TMEM17: variants seen among roughly 807,000 people sequenced by gnomAD.
TMEM17 encodes the protein transmembrane protein 17.
TMEM17 carries 15 observed loss-of-function variants against 19.1 expected under a neutral mutation model. The observed-to-expected ratio is 0.78, with a 90% CI of 0.52 to 1.21. The LOEUF (loss-of-function observed/expected upper bound fraction) is 1.21. Ranked by LOEUF, TMEM17 falls within the 50% of genes most tolerant of loss-of-function variation. TMEM17 has a pLI of 0.00. For missense variants in TMEM17, 245 were observed against 242.3 expected, an observed-to-expected ratio of 1.01 and a Z score of -0.07; for synonymous variants, 103 against 86.9, an observed-to-expected ratio of 1.19 and a Z score of -1.03.
chr2:62,471,439 C>T, the TMEM17 span, among the ~76,000 whole-genome samples: 1 of 59,128 alleles, frequency 1.7e-5, no homozygotes, highest in South Asian at 4.2e-4. Context: ...GTTTCTAAGA[C>T]TGATGACTCT....
chr2:62,458,527 T>A, the TMEM17 span, among the ~76,000 whole-genome samples: 1 of 152,230 alleles, frequency 6.6e-6, no homozygotes, highest in Non-Finnish European at 1.5e-5. Context: ...GGGACTGATT[T>A]CCCCATCTGC....
the TMEM17 span, among the ~76,000 whole-genome samples, chr2:62,468,643 G>C: frequency 1.3e-5 from 2 of 152,208 alleles, no homozygotes; most frequent in African/African-American, 4.8e-5. Context: ...TGGAGACACA[G>C]GGGAGAACCA....
At chr2:62,476,700 G>A in the TMEM17 span, among the ~76,000 whole-genome samples, 1 of 152,288 alleles carries the variant, frequency 6.6e-6, no homozygotes, top group African/African-American at 2.4e-5. Flanking sequence ...AAAGGGGTCT[G>A]GAATAGCTGT....
At chr2:62,493,730 T>A in the TMEM17 span, among the ~76,000 whole-genome samples, 1 of 152,244 alleles carries the variant, frequency 6.6e-6, no homozygotes, top group African/African-American at 2.4e-5. Flanking sequence ...TCTATCATTT[T>A]CAAATGTGGC....
At chr2:62,468,809 G>A in the TMEM17 span, among the ~76,000 whole-genome samples, 1 of 152,366 alleles carries the variant, frequency 6.6e-6, no homozygotes, top group South Asian at 2.1e-4. Flanking sequence ...CAGAGAACTG[G>A]GGGATGGCTC....
the TMEM17 span, among the ~76,000 whole-genome samples, chr2:62,473,701 G>T: frequency 6.6e-6 from 1 of 152,202 alleles, no homozygotes; most frequent in Non-Finnish European, 1.5e-5. Context: ...CAGATTTTCA[G>T]ACAGCCTCAG....
chr2:62,469,688 G>A, the TMEM17 span, among the ~76,000 whole-genome samples: 4 of 152,244 alleles, frequency 2.6e-5, no homozygotes, highest in Non-Finnish European at 5.9e-5. Context: ...AGTTGCTGAG[G>A]TCAGGAAGAT....
At chr2:62,480,587 G>T in the TMEM17 span, among the ~76,000 whole-genome samples, 1 of 152,034 alleles carries the variant, frequency 6.6e-6, no homozygotes, top group Non-Finnish European at 1.5e-5. Context: ...TTTGATTAAG[G>T]GTGAGATGTA....
the TMEM17 span, chr2:62,463,981 G>T: frequency 3.9e-5 from 6 of 152,210 alleles, no homozygotes; most frequent in South Asian, 1.2e-3. Flanking sequence ...TTCAGAAGAA[G>T]ATGACCTACC....
intron 1 of TMEM17, 114 bp downstream of exon 1, chr2:62,505,916 G>T (rs1680058075): frequency 2.9e-6 from 3 of 1,045,568 alleles, no homozygotes; most frequent in South Asian, 1.4e-5. Flanking sequence ...GCACTGCGGA[G>T]AACTGGCTGA....
the TMEM17 span, among the ~76,000 whole-genome samples, chr2:62,493,783 A>G: frequency 1.3e-5 from 2 of 152,232 alleles, no homozygotes; most frequent in Non-Finnish European, 2.9e-5. Context: ...TAGACCATTC[A>G]TCGCCTACAG....
chr2:62,467,745 C>A, the TMEM17 span, among the ~76,000 whole-genome samples: 1 of 152,114 alleles, frequency 6.6e-6, no homozygotes, highest in South Asian at 2.1e-4. Context: ...GGGTTTCTGG[C>A]CTAAGGAGCT....
chr2:62,459,814 T>G, the TMEM17 span, among the ~76,000 whole-genome samples: 1 of 152,186 alleles, frequency 6.6e-6, no homozygotes, highest in Non-Finnish European at 1.5e-5. Context: ...CAGGCTGGAG[T>G]ATGGTTGCTG....
chr2:62,463,701 C>T, the TMEM17 span: 1 of 152,134 alleles, frequency 6.6e-6, no homozygotes, highest in Non-Finnish European at 1.5e-5. Flanking sequence ...CCAGCGAAAA[C>T]CCCACCCTCA....
intron 1 of TMEM17, among the ~76,000 whole-genome samples, chr2:62,505,007 C>A (rs1373996808): frequency 1.3e-5 from 2 of 152,156 alleles, no homozygotes; most frequent in African/African-American, 4.8e-5. Flanking sequence ...ATCCTTGGAA[C>A]CAGAAACGTG....
the TMEM17 span, among the ~76,000 whole-genome samples, chr2:62,494,297 G>A: frequency 2.4e-3 from 360 of 152,244 alleles, no homozygotes; most frequent in African/African-American, 8.3e-3. Flanking sequence ...TAAATCTCCA[G>A]CCTTCTTTAG....
the TMEM17 span, among the ~76,000 whole-genome samples, chr2:62,460,496 T>G: frequency 6.6e-6 from 1 of 152,252 alleles, no homozygotes; most frequent in Non-Finnish European, 1.5e-5. Context: ...ACTCCCTTTT[T>G]AAAATTCAAC....
the TMEM17 span, among the ~76,000 whole-genome samples, chr2:62,469,403 C>T: frequency 6.6e-6 from 1 of 152,216 alleles, no homozygotes; most frequent in Non-Finnish European, 1.5e-5. Flanking sequence ...ACTGCATGGG[C>T]TCATTTAGCT....
chr2:62,497,397 C>T (rs1261336504), downstream of TMEM17, among the ~76,000 whole-genome samples: 1 of 152,214 alleles, frequency 6.6e-6, no homozygotes, highest in Non-Finnish European at 1.5e-5. Context: ...TAGCACCTTC[C>T]AAGTTTCTCT....
Sources: gnomAD v4.1 joint callset for allele counts (sites outside exome capture counted in the v4.1 genomes callset) on GRCh38, gnomAD v4.1.1 for gene constraint, MANE v1.5 for transcripts, NCBI Gene and HGNC (gene_info 2026-07-23, HGNC 2026-07-21) for gene names.